The following HMSD variants were observed in gnomAD, a reference collection of about 807,000 sequenced individuals.
The protein encoded by HMSD is histocompatibility minor serpin domain containing.
HMSD carries 13 observed loss-of-function variants against 10.0 expected under a neutral mutation model. That is an observed-to-expected ratio of 1.31 (90% CI 0.85 to 2.08). The LOEUF (loss-of-function observed/expected upper bound fraction) is 2.08. Among genes scored for constraint, HMSD ranks in the 30% most tolerant of loss-of-function variants. HMSD has a pLI of 0.00. For missense variants in HMSD, 169 were observed against 166.3 expected (o/e 1.02, Z -0.09); for synonymous variants, 51 against 54.2 (o/e 0.94, Z 0.26).
chr18:63,962,160 T>C (rs2050389805), downstream of HMSD, among the ~76,000 whole-genome samples: 1 of 152,212 alleles, frequency 6.6e-6, no homozygotes, highest in South Asian at 2.1e-4. Flanking sequence ...ATTTAATCCT[T>C]AGTGATAATA....
chr18:63,953,607 A>G (rs2050342432), intron 2 of HMSD, 80 bp downstream of exon 2: 1 of 1,162,314 alleles, frequency 8.6e-7, no homozygotes, highest in Non-Finnish European at 1.3e-6. Context: ...CAAGTCTTGA[A>G]GAAATTCCTC....
At chr18:63,954,768 C>A (rs2050349620) in intron 3 of HMSD, among the ~76,000 whole-genome samples, 1 of 152,164 alleles carries the variant, frequency 6.6e-6, no homozygotes, top group Non-Finnish European at 1.5e-5. Flanking sequence ...ATGAGATAAT[C>A]TTCATAAAAG....
chr18:63,953,461 C>G lies in HMSD; in HGVS notation c.6C>G (p.Ser2Arg), dbSNP rs748745604. Residue 2 changes from serine (S) to arginine (R), a missense_variant, in exon 2 of 4, where the codon AGC (serine) becomes AGG (arginine). Physicochemically the swap from Ser to Arg is moderately radical, Grantham distance 110. Coordinates refer to ENST00000408945, the MANE Select transcript of HMSD (RefSeq NM_001123366.2). M[S>R]ISSALAMVFM... ...AACAACTTATTTTTTTCCCCATGAG[C>G]ATATCATCAGCCTTGGCCATGGTTT... 10 of 1,613,666 alleles carry G rather than the reference C, an allele frequency of 6.2e-6. No homozygotes were observed. The highest frequency in any genetic ancestry group is 8.5e-6 in the Non-Finnish European group (10 of 1,179,670).
intron 3 of HMSD, among the ~76,000 whole-genome samples, chr18:63,957,574 A>T (rs996092537): frequency 3.3e-5 from 5 of 152,306 alleles, no homozygotes; most frequent in Admixed American, 3.3e-4. Flanking sequence ...GTGGTAAGAC[A>T]TAAAAGTGAA....
intron 3 of HMSD, chr18:63,968,815 T>C (rs1270926334): frequency 6.6e-6 from 1 of 152,104 alleles, no homozygotes; most frequent in African/African-American, 2.4e-5. Context: ...CAAATGTGAG[T>C]CTGTAGCCAC....
At chr18:63,968,781 G>A (rs981279777) in intron 3 of HMSD, 5 of 152,248 alleles carry the variant, frequency 3.3e-5, no homozygotes, top group African/African-American at 1.2e-4. Context: ...TCAACTGGCA[G>A]AGCCGGTAAG....
intron 3 of HMSD, 107 bp downstream of exon 3, chr18:63,954,664 C>A (rs1361590866): frequency 1.3e-5 from 12 of 892,466 alleles, no homozygotes; most frequent in Admixed American, 1.1e-4. Flanking sequence ...CTCAGAACTC[C>A]ACGCACGAAT....
In HMSD at chr18:63,953,479, C is replaced by T. The variant is rs771378886; in HGVS notation, c.24C>T (p.Ala8=). MSISSAL[A]MVFMGAKGNT... ...CCATGAGCATATCATCAGCCTTGGC[C>T]ATGGTTTTCATGGGGGCAAAGGGAA... Residue 8 remains alanine, a synonymous_variant, in exon 2 of 4, where the codon GCC becomes GCT. Transcript: ENST00000408945. 1.2e-6 allele frequency: 2 copies of T among 1,613,914 alleles called. No homozygotes were observed. Among genetic ancestry groups the T allele is most frequent in the Admixed American group, 1.7e-5 (1 of 60,022 alleles).
At chr18:63,963,122 TTTCTTTCTTTC>T (rs1568261413), downstream of HMSD, among the ~76,000 whole-genome samples, 171 of 131,946 alleles carry the variant, frequency 1.3e-3, 2 homozygotes, top group African/African-American at 1.9e-3. Context: ...TCTTTCTTTC[TTTCTTTCTTTC>T]CTTTCTTTCT....
chr18:63,969,518 T>A (rs1599118144), intron 3 of HMSD: 1 of 152,244 alleles, frequency 6.6e-6, no homozygotes, highest in African/African-American at 2.4e-5. Flanking sequence ...TTCTGAGAGA[T>A]GTCCAGTAGT....
chr18:63,968,326 G>A (rs1456343604), intron 3 of HMSD: 1 of 152,240 alleles, frequency 6.6e-6, no homozygotes, highest in African/African-American at 2.4e-5. Context: ...ATCCTTTTGT[G>A]TTTCCCCATA....
chr18:63,960,524 A>C lies in HMSD; in HGVS notation c.*169A>C. 1 of 1,043,462 alleles carries C rather than the reference A, an allele frequency of 9.6e-7. No homozygotes were observed. The highest frequency in any genetic ancestry group is 1.3e-6 in the Non-Finnish European group (1 of 775,380). 64.6% of individuals were successfully genotyped at this position (1,043,462 alleles called of 1,614,324 possible). On this transcript the variant is annotated 3_prime_UTR_variant, in exon 4 of 4. Coordinates refer to ENST00000408945, the MANE Select transcript of HMSD (RefSeq NM_001123366.2). Reference sequence around the variant, plus strand: ...CCAGGTTTTTTTGCTTGTTAATATTAGGTAGTTTTTCTTTTCACAAATAGC... The same window carrying C: ...CCAGGTTTTTTTGCTTGTTAATATTCGGTAGTTTTTCTTTTCACAAATAGC...
chr18:63,952,252 A>T (rs1056176325), intron 1 of HMSD, among the ~76,000 whole-genome samples: 6 of 151,454 alleles, frequency 4.0e-5, no homozygotes, highest in Non-Finnish European at 8.8e-5. Context: ...AACCTGCACA[A>T]TGTGCACATG....
intron 1 of HMSD, 47 bp from the exon 2 acceptor site, chr18:63,953,307 T>C (rs2050340544): frequency 3.3e-6 from 2 of 605,214 alleles, no homozygotes; most frequent in Non-Finnish European, 6.0e-6. Flanking sequence ...TAAATACACA[T>C]GTAAGCCTAT....
chr18:63,965,080 A>C (rs1426331742), downstream of HMSD, among the ~76,000 whole-genome samples: 1 of 152,208 alleles, frequency 6.6e-6, no homozygotes, highest in East Asian at 1.9e-4. Flanking sequence ...ACACTGCCTG[A>C]TGTAACTGAA....
Position 63,960,595 on chromosome 18 carries a change from A to G in HMSD, c.*240A>G. 3 of 434,784 alleles carry G rather than the reference A, an allele frequency of 6.9e-6. No individual in the cohort carries two copies. The highest frequency in any genetic ancestry group is 6.9e-5 in the South Asian group (3 of 43,550). The allele number at this position is 434,784 out of a possible 1,614,324, so 26.9% of individuals were successfully genotyped here. Reference sequence around the variant, plus strand: ...ATTTCTAGCTGTCTCCCTCACTGGTATTGCCATACTGTATGGTTTACAGGC... The same window carrying G: ...ATTTCTAGCTGTCTCCCTCACTGGTGTTGCCATACTGTATGGTTTACAGGC... On this transcript the variant is annotated 3_prime_UTR_variant, in exon 4 of 4. Transcript: ENST00000408945.
intron 3 of HMSD, among the ~76,000 whole-genome samples, chr18:63,955,585 C>G (rs1305349429): frequency 6.6e-6 from 1 of 152,100 alleles, no homozygotes; most frequent in African/African-American, 2.4e-5. Flanking sequence ...ATCCTCAGTT[C>G]CACCCACCAT....
downstream of HMSD, among the ~76,000 whole-genome samples, chr18:63,963,097 CTTTCTTT>C (rs2050394772): frequency 7.7e-6 from 1 of 129,854 alleles, no homozygotes; most frequent in African/African-American, 3.5e-5. Context: ...TTCTTTCTTT[CTTTCTTT>C]CTTTCTTTCT....
intron 1 of HMSD, 74 bp from the exon 2 acceptor site, chr18:63,953,280 A>G (rs939919381): frequency 4.7e-5 from 26 of 556,656 alleles, no homozygotes; most frequent in Admixed American, 1.2e-4. Flanking sequence ...TTAACTAGTA[A>G]TAAATAGAGT....
Sources: gnomAD v4.1 joint callset for allele counts (sites outside exome capture counted in the v4.1 genomes callset) on GRCh38, gnomAD v4.1.1 for gene constraint, MANE v1.5 for transcripts, NCBI Gene and HGNC (gene_info 2026-07-23, HGNC 2026-07-21) for gene names.